CYB5R4: variants seen among roughly 807,000 people sequenced by gnomAD.
CYB5R4 encodes the protein N-terminal cytochrome b5 and cytochrome b5 oxidoreductase domain-containing protein.
Under a neutral mutation model 70.2 loss-of-function variants are expected in CYB5R4, and 55 were observed. The ratio of observed to expected loss-of-function variants is 0.78; its 90% CI spans 0.63 to 0.98. The LOEUF is 0.98. Ranked by LOEUF, CYB5R4 falls within the 50% of genes least tolerant of loss-of-function variation. CYB5R4 has a pLI of 0.00. For synonymous variants in CYB5R4, 197 were observed against 199.5 expected, an observed-to-expected ratio of 0.99 and a Z score of 0.11; for missense variants, 562 against 612.6, an observed-to-expected ratio of 0.92 and a Z score of 0.87.
At chr6:83,929,816 A>G (rs1388340816) in intron 10 of CYB5R4, among the ~76,000 whole-genome samples, 2 of 152,170 alleles carry the variant, frequency 1.3e-5, no homozygotes, top group East Asian at 3.8e-4. Context: ...AATTTTAAAG[A>G]TATGCCAACA....
chr6:83,864,400 C>A, intron 2 of CYB5R4, 72 bp downstream of exon 2: 1 of 1,318,132 alleles, frequency 7.6e-7, no homozygotes, highest in Non-Finnish European at 1.0e-6. Context: ...CATAACCTCA[C>A]AGTCATGTTA....
intron 5 of CYB5R4, among the ~76,000 whole-genome samples, chr6:83,916,532 AC>A (rs1213566165): frequency 5.3e-5 from 8 of 152,126 alleles, no homozygotes; most frequent in African/African-American, 1.9e-4. Context: ...CTCTTGTTTT[AC>A]GTGTAGTTTT....
chr6:83,899,604 T>C (rs1380490042), intron 3 of CYB5R4, among the ~76,000 whole-genome samples: 1 of 152,188 alleles, frequency 6.6e-6, no homozygotes, highest in Non-Finnish European at 1.5e-5. Context: ...CTGGACTTTT[T>C]TTGGTTGGTA....
chr6:83,955,198 A>T (rs1387640767), intron 14 of CYB5R4, 100 bp from the exon 15 acceptor site: 1 of 962,876 alleles, frequency 1.0e-6, no homozygotes, highest in Non-Finnish European at 1.5e-6. Context: ...TTTATATATT[A>T]AATTGTTCCT....
chr6:83,879,261 A>G lies in CYB5R4; in HGVS notation c.230-14261A>G, dbSNP rs1004398261. On this transcript the variant is annotated intron_variant, in intron 2 of 15. Transcript: ENST00000369681. Reference sequence around the variant, plus strand: ...TTGCCTTGTATCAGGTGGGGAGGGCAGGGCAAAGGGTCTAGGATGTGAGCA... The same window carrying G: ...TTGCCTTGTATCAGGTGGGGAGGGCGGGGCAAAGGGTCTAGGATGTGAGCA... 6.6e-5 allele frequency among the ~76,000 whole-genome samples: 10 copies of G among 152,142 alleles called. No homozygotes were observed. The Middle Eastern group carries it at 0.01, about 155-fold the overall frequency.
intron 2 of CYB5R4, among the ~76,000 whole-genome samples, chr6:83,881,606 C>T (rs1199479902): frequency 6.6e-6 from 1 of 152,184 alleles, no homozygotes; most frequent in Non-Finnish European, 1.5e-5. Context: ...TCCTCTCCAC[C>T]TTATACATAA....
At chr6:83,860,349 G>A (rs1418443043) in intron 1 of CYB5R4, among the ~76,000 whole-genome samples, 1 of 152,074 alleles carries the variant, frequency 6.6e-6, no homozygotes, top group Non-Finnish European at 1.5e-5. Flanking sequence ...GGGGAGCTAG[G>A]TCAGGTTTAC....
intron 2 of CYB5R4, among the ~76,000 whole-genome samples, chr6:83,873,104 C>G (rs1424909576): frequency 6.6e-6 from 1 of 152,116 alleles, no homozygotes; most frequent in Admixed American, 6.5e-5. Flanking sequence ...CATGCTTTAG[C>G]ATTTGTGTGT....
At chr6:83,920,735 TG>T (rs1285406320) in intron 7 of CYB5R4, among the ~76,000 whole-genome samples, 1 of 89,420 alleles carries the variant, frequency 1.1e-5, no homozygotes, top group South Asian at 4.3e-4. Context: ...TGTAATTTTC[TG>T]GGGGGTGGGG....
At position 83,864,485 on chromosome 6, in the gene CYB5R4, G is replaced by A. The variant is rs532496658; in HGVS notation, c.229+157G>A. ...ACTTATATAATTCTGACTTTGGATA[G>A]TATTTCTTCCTTAGGTAACCATTAT... On this transcript the variant is annotated intron_variant, in intron 2 of 15. Coordinates refer to ENST00000369681, the MANE Select transcript of CYB5R4 (RefSeq NM_016230.4). Among the ~76,000 whole-genome samples the A allele has an allele frequency of 2.6e-5, 4 of 152,258 alleles. 1 individual carries two copies. The East Asian group carries it at 5.8e-4, about 22-fold the overall frequency.
At chr6:83,893,429 G>A in intron 2 of CYB5R4, 93 bp from the exon 3 acceptor site, 1 of 705,398 alleles carries the variant, frequency 1.4e-6, no homozygotes, top group Non-Finnish European at 2.4e-6. Flanking sequence ...TAAATGGAAT[G>A]TATTTGGAAA....
intron 8 of CYB5R4, among the ~76,000 whole-genome samples, chr6:83,921,848 T>C (rs1391996112): frequency 6.6e-6 from 1 of 152,202 alleles, no homozygotes; most frequent in Non-Finnish European, 1.5e-5. Flanking sequence ...CAGCAGACAT[T>C]TGTAAGCGTA....
rs61756898 is a variant in CYB5R4, at chr6:83,936,078, C to T, written c.956-146C>T. On this transcript the variant is annotated intron_variant, in intron 11 of 15. Coordinates refer to ENST00000369681, the MANE Select transcript of CYB5R4 (RefSeq NM_016230.4). ...AGGCTTGGGGTATATATACTATATA[C>T]ATATAGAAAAATAATTAGAATTATA... 690 of 575,362 alleles carry T rather than the reference C, an allele frequency of 1.2e-3. 5 individuals are homozygous for T. Among genetic ancestry groups the T allele is most frequent in the African/African-American group, 0.012 (625 of 52,140 alleles). 35.6% of individuals were successfully genotyped at this position (575,362 alleles called of 1,614,324 possible). A position where few individuals can be genotyped will look rare whatever the true frequency, so the allele number is the denominator to read the frequency against.
chr6:83,860,289 T>TG (rs375243158), intron 1 of CYB5R4, among the ~76,000 whole-genome samples: 63 of 152,270 alleles, frequency 4.1e-4, no homozygotes, highest in African/African-American at 1.4e-3. Context: ...GGGAAAGGCT[T>TG]GGCAGTGGCG....
chr6:83,870,136 T>C (rs1251892324), intron 2 of CYB5R4, among the ~76,000 whole-genome samples: 1 of 152,186 alleles, frequency 6.6e-6, no homozygotes, highest in Non-Finnish European at 1.5e-5. Flanking sequence ...TTGACAAACA[T>C]GTTGTCATTA....
Position 83,961,514 on chromosome 6 carries a change from C to G in CYB5R4, c.*1636C>G, listed in dbSNP as rs904877021. On this transcript the variant is annotated 3_prime_UTR_variant, in exon 16 of 16. Coordinates refer to ENST00000369681, the MANE Select transcript of CYB5R4 (RefSeq NM_016230.4). ...CTGATGGTTTAAAAGTGTGGCACTTCCTCCCCACCTCCTGCTGTATTATGA... is the reference window on the plus strand; with the variant it reads ...CTGATGGTTTAAAAGTGTGGCACTTGCTCCCCACCTCCTGCTGTATTATGA... The G allele has an allele frequency of 1.8e-4, 27 of 152,088 alleles. No individual in the cohort carries two copies. The highest frequency in any genetic ancestry group is 6.3e-4 in the African/African-American group (26 of 41,476). The allele number at this position is 152,088 out of a possible 1,614,324, so 9.4% of individuals were successfully genotyped here.
Position 83,864,167 on chromosome 6 carries a change from A to G in CYB5R4, c.76-8A>G. On this transcript the variant is annotated splice_region_variant and splice_polypyrimidine_tract_variant and intron_variant, in intron 1 of 15. Transcript: ENST00000369681. Reference sequence around the variant, plus strand: ...GCTAGATTTAATTCTTCCTTTTTCCATTTTTAGGTACCTTTAAAACAGGGC... The same window carrying G: ...GCTAGATTTAATTCTTCCTTTTTCCGTTTTTAGGTACCTTTAAAACAGGGC... The G allele has an allele frequency of 3.9e-6, 6 of 1,542,504 alleles. No individual in the cohort carries two copies. The South Asian group carries it at 6.2e-5, about 16-fold the overall frequency.
At chr6:83,893,125 C>A (rs1195169911) in intron 2 of CYB5R4, among the ~76,000 whole-genome samples, 5 of 152,196 alleles carry the variant, frequency 3.3e-5, no homozygotes, top group Non-Finnish European at 7.3e-5. Context: ...ATTCCAGTTT[C>A]CTGAGCTCAG....
At chr6:83,933,409 A>G (rs1166694477) in intron 10 of CYB5R4, among the ~76,000 whole-genome samples, 1 of 152,208 alleles carries the variant, frequency 6.6e-6, no homozygotes, top group Non-Finnish European at 1.5e-5. Context: ...ATGATTTCTT[A>G]GGATTATAGG....
Sources: allele counts gnomAD v4.1 joint callset (sites outside exome capture counted in the v4.1 genomes callset), GRCh38; gene constraint gnomAD v4.1.1; transcripts MANE v1.5; gene names NCBI Gene and HGNC (gene_info 2026-07-23, HGNC 2026-07-21).